The following XPR1 variants were observed in gnomAD, a reference collection of about 807,000 sequenced individuals.
XPR1 encodes xenotropic and polytropic retrovirus receptor 1.
XPR1 carries 28 observed loss-of-function variants against 87.5 expected under a neutral mutation model. That is an observed-to-expected ratio of 0.32 (90% CI 0.24 to 0.44). The LOEUF (loss-of-function observed/expected upper bound fraction) is 0.44. Ranked by LOEUF, XPR1 falls within the 20% of genes least tolerant of loss-of-function variation. The pLI, the probability that XPR1 is intolerant of heterozygous loss-of-function variation, is 1.00. For missense variants in XPR1, 559 were observed against 862.3 expected, an observed-to-expected ratio of 0.65 and a Z score of 4.41; for synonymous variants, 300 against 306.1, an observed-to-expected ratio of 0.98 and a Z score of 0.21.
In XPR1 at chr1:180,783,960, C is replaced by T. The variant is rs923633709; in HGVS notation, c.122-3793C>T. On this transcript the variant is annotated intron_variant, in intron 2 of 14. Coordinates refer to ENST00000367590, the MANE Select transcript of XPR1 (RefSeq NM_004736.4). ...ATTCCAGCTACTTGGGAACCTGAGA[C>T]GGGAGAATCTCTTGAACCCGGAAGG... 2.6e-5 allele frequency among the ~76,000 whole-genome samples: 4 copies of T among 151,648 alleles called. 1 individual carries two copies. The highest frequency in any genetic ancestry group is 4.2e-4 in the South Asian group (2 of 4,802).
chr1:180,711,620 GA>G (rs1355404798), intron 2 of XPR1, among the ~76,000 whole-genome samples: 4 of 151,948 alleles, frequency 2.6e-5, no homozygotes, highest in East Asian at 3.9e-4. Context: ...GGGAGAGGGA[GA>G]GGGGGGAGAG....
chr1:180,766,188 C>T (rs1648278238), intron 2 of XPR1, among the ~76,000 whole-genome samples: 1 of 151,938 alleles, frequency 6.6e-6, no homozygotes, highest in South Asian at 2.1e-4. Context: ...ATAGACATAC[C>T]CTAATGCTAT....
At chr1:180,794,128 A>T (rs1649482728) in intron 3 of XPR1, among the ~76,000 whole-genome samples, 1 of 152,310 alleles carries the variant, frequency 6.6e-6, no homozygotes, top group African/African-American at 2.4e-5. Context: ...TCATTTTGGG[A>T]ACATCATGTG....
chr1:180,728,577 C>T (rs1280015696), intron 2 of XPR1, among the ~76,000 whole-genome samples: 1 of 152,174 alleles, frequency 6.6e-6, no homozygotes, highest in African/African-American at 2.4e-5. Flanking sequence ...TTCAAATAAG[C>T]TCCCAGAGGC....
At chr1:180,698,514 CTTGT>C (rs1018631324) in intron 2 of XPR1, among the ~76,000 whole-genome samples, 2 of 151,758 alleles carry the variant, frequency 1.3e-5, no homozygotes, top group African/African-American at 4.8e-5. Context: ...TTCTTCTGTT[CTTGT>C]TTATCATGTG....
intron 1 of XPR1, among the ~76,000 whole-genome samples, chr1:180,677,222 T>G (rs1249164175): frequency 6.6e-6 from 1 of 152,222 alleles, no homozygotes; most frequent in East Asian, 1.9e-4. Flanking sequence ...TTCTCCTTGC[T>G]CACTGCCTAG....
chr1:180,827,738 T>C (rs965833111), intron 9 of XPR1, among the ~76,000 whole-genome samples: 5 of 152,204 alleles, frequency 3.3e-5, no homozygotes, highest in African/African-American at 1.2e-4. Flanking sequence ...TATTTTAATT[T>C]AAATCTCACT....
At chr1:180,709,428 C>T (rs970454532) in intron 2 of XPR1, among the ~76,000 whole-genome samples, 1 of 152,208 alleles carries the variant, frequency 6.6e-6, no homozygotes, top group African/African-American at 2.4e-5. Context: ...TTTCCTCATA[C>T]CTTTTTGTAA....
chr1:180,857,858 A>G lies in XPR1; in HGVS notation c.1502-5850A>G, dbSNP rs1005910839. ...TACAATAAATAATGCAGGTTATAGT[A>G]TATACTCAGTAGTAAACAGTTCTTG... On this transcript the variant is annotated intron_variant, in intron 11 of 14. Transcript: ENST00000367590. 3.9e-5 allele frequency among the ~76,000 whole-genome samples: 6 copies of G among 152,202 alleles called. No individual in the cohort carries two copies. The South Asian group carries it at 6.2e-4, about 16-fold the overall frequency.
chr1:180,749,606 A>G lies in XPR1; in HGVS notation c.122-38147A>G, dbSNP rs549457056. On this transcript the variant is annotated intron_variant, in intron 2 of 14. Coordinates refer to ENST00000367590, the MANE Select transcript of XPR1 (RefSeq NM_004736.4). ...GTAAATTATGTGCTGTACATCCTGT[A>G]TATCAGTAAAATTTATAATAAACAC... Among the ~76,000 whole-genome samples, 73 of 149,794 alleles carry G rather than the reference A, an allele frequency of 4.9e-4. 1 individual carries two copies. The South Asian group carries it at 0.012, about 25-fold the overall frequency.
At chr1:180,848,568 G>A (rs1391466780) in intron 11 of XPR1, among the ~76,000 whole-genome samples, 1 of 152,080 alleles carries the variant, frequency 6.6e-6, no homozygotes, top group Non-Finnish European at 1.5e-5. Context: ...ATCTGTGGTT[G>A]GACACTTATG....
At chr1:180,876,685 G>A (rs1399858104) in intron 13 of XPR1, among the ~76,000 whole-genome samples, 3 of 150,696 alleles carry the variant, frequency 2.0e-5, no homozygotes, top group Non-Finnish European at 4.4e-5. Context: ...ACAGAATAAA[G>A]GGGGAAAAAG....
At chr1:180,647,163 A>G (rs1655147150) in intron 1 of XPR1, among the ~76,000 whole-genome samples, 2 of 152,226 alleles carry the variant, frequency 1.3e-5, no homozygotes, top group Non-Finnish European at 1.5e-5. Context: ...ATAAGACTCT[A>G]ATGGCACTGC....
chr1:180,803,144 C>A (rs986564224), intron 3 of XPR1, among the ~76,000 whole-genome samples: 1 of 152,162 alleles, frequency 6.6e-6, no homozygotes, highest in Non-Finnish European at 1.5e-5. Flanking sequence ...CGTTTTCACT[C>A]TTAGTGGCTC....
intron 6 of XPR1, among the ~76,000 whole-genome samples, chr1:180,809,290 A>G (rs550110222): frequency 5.9e-5 from 9 of 152,278 alleles, no homozygotes; most frequent in Admixed American, 4.6e-4. Flanking sequence ...AAGGATTACA[A>G]AGACACATGG....
intron 2 of XPR1, among the ~76,000 whole-genome samples, chr1:180,724,360 T>A (rs965254583): frequency 6.6e-6 from 1 of 152,158 alleles, no homozygotes; most frequent in Non-Finnish European, 1.5e-5. Context: ...TTTTAATTAA[T>A]TTTTACAGGA....
chr1:180,867,382 C>T (rs1176107862), intron 12 of XPR1, among the ~76,000 whole-genome samples: 2 of 40,666 alleles, frequency 4.9e-5, no homozygotes, highest in African/African-American at 1.1e-4. Context: ...CCTGAGGAAT[C>T]GCCACACTGA....
intron 12 of XPR1, among the ~76,000 whole-genome samples, chr1:180,864,822 A>G (rs1652335056): frequency 6.6e-6 from 1 of 152,180 alleles, no homozygotes; most frequent in Non-Finnish European, 1.5e-5. Flanking sequence ...CTGAATGTGA[A>G]TGTAAATTCT....
rs537418479 is a variant in XPR1 at position 180,836,852 on chromosome 1, C to G, written c.1501+136C>G. On this transcript the variant is annotated intron_variant, in intron 11 of 14. Coordinates refer to ENST00000367590, the MANE Select transcript of XPR1 (RefSeq NM_004736.4). ...GAAATTTCAGTTCCTTCAGTTATAT[C>G]AGTTTGTTCTTGAATGCAGTTTTAG... 78 of 1,007,344 alleles carry G rather than the reference C, an allele frequency of 7.7e-5. 1 individual carries two copies. The East Asian group carries it at 1.2e-3, about 15-fold the overall frequency. The allele number at this position is 1,007,344 out of a possible 1,614,324, so 62.4% of individuals were successfully genotyped here. A position where few individuals can be genotyped will look rare whatever the true frequency, so the allele number is the denominator to read the frequency against.
Sources: allele counts gnomAD v4.1 joint callset (sites outside exome capture counted in the v4.1 genomes callset), GRCh38; gene constraint gnomAD v4.1.1; transcripts MANE v1.5; gene names NCBI Gene and HGNC (gene_info 2026-07-23, HGNC 2026-07-21).